RAB29: variants seen among roughly 807,000 people sequenced by gnomAD.
The protein encoded by RAB29 is ras-related protein Rab-29.
RAB29 carries 13 observed loss-of-function variants against 25.5 expected under a neutral mutation model. That is an observed-to-expected ratio of 0.51 (90% confidence interval 0.33 to 0.81). The LOEUF is 0.81. RAB29 is among the 30% of genes least tolerant of loss of function. The probability of loss-of-function intolerance (pLI) is 0.02; values close to 1 mark genes in which losing one functional copy is unlikely to be tolerated. For synonymous variants in RAB29, 88 were observed against 95.0 expected (o/e 0.93, Z 0.43); for missense variants, 201 against 254.9 (o/e 0.79, Z 1.44).
chr1:205,771,346 G>A, intron 4 of RAB29, 126 bp downstream of exon 4: 1 of 1,061,856 alleles, frequency 9.4e-7, no homozygotes, highest in Non-Finnish European at 1.5e-6. Flanking sequence ...AACATCCTTT[G>A]AAGGAGGTAG....
chr1:205,772,597 A>C, intron 2 of RAB29, 30 bp from the exon 3 acceptor site: 1 of 1,586,248 alleles, frequency 6.3e-7, no homozygotes, highest in Non-Finnish European at 8.7e-7. Context: ...ATACTTTAAT[A>C]AAATTTCACT....
intron 3 of RAB29, 50 bp from the exon 4 acceptor site, chr1:205,771,703 C>T (rs1298774186): frequency 3.2e-6 from 5 of 1,549,950 alleles, no homozygotes; most frequent in Non-Finnish European, 4.5e-6. Flanking sequence ...CCGGCCTCTC[C>T]CCATTCCTTG....
In RAB29 at chr1:205,775,009, G is replaced by T; in HGVS notation, c.-53C>A. The T allele has an allele frequency of 1.9e-6, 3 of 1,607,336 alleles. No individual in the cohort carries two copies. Among genetic ancestry groups the T allele is most frequent in the South Asian group, 2.2e-5 (2 of 90,926 alleles). On this transcript the variant is annotated 5_prime_UTR_variant, in exon 2 of 6. Coordinates refer to ENST00000367139, the MANE Select transcript of RAB29 (RefSeq NM_003929.3). ...GCGGGAAGTGTGGTCGGGGATCGGG[G>T]GTCGCTCGTTTTAACCCCTTTGGAT...
chr1:205,770,288 G>A lies in RAB29; in HGVS notation c.*54C>T. The A allele has an allele frequency of 6.8e-7, 1 of 1,460,364 alleles. No homozygotes were observed. Among genetic ancestry groups the A allele is most frequent in the Non-Finnish European group, 9.6e-7 (1 of 1,041,678 alleles). The allele number at this position is 1,460,364 out of a possible 1,614,324, so 90.5% of individuals were successfully genotyped here. ...AAAATTGTCAGGTGGGCAACCAAAG[G>A]GAAGAGACTTAAAAGACCTCCCAGA... On this transcript the variant is annotated 3_prime_UTR_variant, in exon 6 of 6. Coordinates refer to ENST00000367139, the MANE Select transcript of RAB29 (RefSeq NM_003929.3).
chr1:205,770,516 A>G lies in RAB29; in HGVS notation c.501-63T>C, dbSNP rs529890049. 6.1e-6 allele frequency: 9 copies of G among 1,476,408 alleles called. No individual in the cohort carries two copies. In the East Asian group the frequency reaches 1.8e-4, roughly 30 times the overall value. 91.5% of individuals were successfully genotyped at this position (1,476,408 alleles called of 1,614,324 possible). ...GAGGAAAAGCAGAAATGGCAGATGT[A>G]GTCTGACTTATCATCAGAGAGTATT... On this transcript the variant is annotated intron_variant, in intron 5 of 5. Coordinates refer to ENST00000367139, the MANE Select transcript of RAB29 (RefSeq NM_003929.3).
intron 5 of RAB29, 99 bp from the exon 6 acceptor site, chr1:205,770,552 A>G (rs1654934768): frequency 4.2e-6 from 6 of 1,412,464 alleles, no homozygotes; most frequent in Non-Finnish European, 4.9e-6. Context: ...TGGTAAAGCC[A>G]GAAGGTTTAA....
chr1:205,774,795 T>TCCA, intron 2 of RAB29, 38 bp downstream of exon 2: 9 of 860,520 alleles, frequency 1.0e-5, no homozygotes, highest in Non-Finnish European at 1.5e-5. Context: ...CGGGGCCTCC[T>TCCA]CCTCCCCCTC....
rs1289993287 is a variant in RAB29 at position 205,768,071 on chromosome 1, ATTCACTAT to A, written c.*2263_*2270del. ...TCAATTATCTCTTCATATCAATGAA[ATTCACTAT>A]TTCACTATTATCTTCAGAATCATAG... is the stretch of plus-strand genomic sequence containing the variant. On this transcript the variant is annotated 3_prime_UTR_variant, in exon 6 of 6. Coordinates refer to ENST00000367139, the MANE Select transcript of RAB29 (RefSeq NM_003929.3). 6.6e-6 allele frequency: 1 copy of A among 152,228 alleles called. No individual in the cohort carries two copies. Among genetic ancestry groups the A allele is most frequent in the Non-Finnish European group, 1.5e-5 (1 of 68,042 alleles). The allele number at this position is 152,228 out of a possible 1,614,324, so 9.4% of individuals were successfully genotyped here. A position where few individuals can be genotyped will look rare whatever the true frequency, so the allele number is the denominator to read the frequency against.
intron 3 of RAB29, 83 bp from the exon 4 acceptor site, chr1:205,771,736 G>T: frequency 7.4e-7 from 1 of 1,344,730 alleles, no homozygotes; most frequent in East Asian, 2.3e-5. Context: ...GTAAGCATAT[G>T]TGTCAGATGG....
rs773058336 is a variant in RAB29, at chr1:205,772,519, C to T, written c.173G>A (p.Arg58Gln). The change falls in exon 3 of 6, where the codon CGG (arginine) becomes CAG (glutamine). Residue 58 changes from arginine to glutamine, a missense_variant. Arg to Gln is a conservative substitution (Grantham distance 43, BLOSUM62 1). Coordinates refer to ENST00000367139, the MANE Select transcript of RAB29 (RefSeq NM_003929.3). ...ACCTGCAATATCCCACAGCTGAAGC[C>T]GCACTATCTCGTAGTCAGACCACTG... ...VLQWSDYEIV[R>Q]LQLWDIAGQE... 27 of 1,613,908 alleles carry T rather than the reference C, an allele frequency of 1.7e-5. No homozygotes were observed. Among genetic ancestry groups the T allele is most frequent in the Non-Finnish European group, 1.9e-5 (22 of 1,179,922 alleles).
rs750710407 is a variant in RAB29, at chr1:205,772,581, T to G, written c.125-14A>C. The G allele has an allele frequency of 6.2e-7, 1 of 1,602,376 alleles. No homozygotes were observed. The highest frequency in any genetic ancestry group is 8.6e-7 in the Non-Finnish European group (1 of 1,169,482). On this transcript the variant is annotated splice_polypyrimidine_tract_variant and intron_variant, in intron 2 of 5. Coordinates refer to ENST00000367139, the MANE Select transcript of RAB29 (RefSeq NM_003929.3). ...GAGCAAAATCCACTGAAAATATATG[T>G]ACATTATACTTTAATAAAATTTCAC...
Position 205,769,279 on chromosome 1 carries a change from C to T in RAB29, c.*1063G>A, listed in dbSNP as rs1469532316. On this transcript the variant is annotated 3_prime_UTR_variant, in exon 6 of 6. Transcript: ENST00000367139. Reference sequence around the variant, plus strand: ...CAGACCTATTTCGAAGCATCACAGCCAGCTGATGTCACTTGCAGTATTATG... The same window carrying T: ...CAGACCTATTTCGAAGCATCACAGCTAGCTGATGTCACTTGCAGTATTATG... 1 of 152,172 alleles carries T rather than the reference C, an allele frequency of 6.6e-6. No individual in the cohort carries two copies. Among genetic ancestry groups the T allele is most frequent in the African/African-American group, 2.4e-5 (1 of 41,424 alleles). 9.4% of individuals were successfully genotyped at this position (152,172 alleles called of 1,614,324 possible). A position where few individuals can be genotyped will look rare whatever the true frequency, so the allele number is the denominator to read the frequency against.
At chr1:205,771,167 T>C (rs1654977912) in intron 4 of RAB29, 13 of 465,774 alleles carry the variant, frequency 2.8e-5, no homozygotes, top group South Asian at 2.1e-4. Flanking sequence ...GGTGTGGTGG[T>C]GGGCACCTGT....
chr1:205,770,690 G>A (rs1301812621), intron 5 of RAB29, 43 bp downstream of exon 5: 3 of 1,613,132 alleles, frequency 1.9e-6, no homozygotes, highest in Non-Finnish European at 1.7e-6. Flanking sequence ...GGCCACAGTG[G>A]AAGATGGATA....
chr1:205,773,623 C>A (rs1655140311), intron 2 of RAB29, among the ~76,000 whole-genome samples: 2 of 152,126 alleles, frequency 1.3e-5, no homozygotes, highest in South Asian at 4.1e-4. Flanking sequence ...CCAGTTCAAG[C>A]AATCCTCTCG....
Sources: allele counts gnomAD v4.1 joint callset (sites outside exome capture counted in the v4.1 genomes callset), GRCh38; gene constraint gnomAD v4.1.1; transcripts MANE v1.5; gene names NCBI Gene and HGNC (gene_info 2026-07-23, HGNC 2026-07-21).